ANXA5: variants seen among roughly 807,000 people sequenced by gnomAD.
ANXA5 encodes the protein annexin A5.
Under a neutral mutation model 48.1 loss-of-function variants are expected in ANXA5, and 40 were observed. The ratio of observed to expected loss-of-function variants is 0.83; its 90% CI spans 0.65 to 1.08. ANXA5 has a LOEUF of 1.08. Among genes scored for constraint, ANXA5 ranks in the 50% least tolerant of loss-of-function variants. The probability of loss-of-function intolerance (pLI) is 0.00; values close to 1 mark genes in which losing one functional copy is unlikely to be tolerated. For missense variants in ANXA5, 357 were observed against 376.8 expected (o/e 0.95, Z 0.44); for synonymous variants, 113 against 129.1 (o/e 0.88, Z 0.85).
At chr4:121,683,577 T>C (rs924802553) in intron 4 of ANXA5, 100 bp from the exon 5 acceptor site, 8 of 654,606 alleles carry the variant, frequency 1.2e-5, no homozygotes, top group Non-Finnish European at 2.1e-5. Context: ...ATTCTTTATG[T>C]TGCTGTCTCC....
At chr4:121,681,525 C>A in intron 6 of ANXA5, 146 bp downstream of exon 6, 2 of 553,512 alleles carry the variant, frequency 3.6e-6, no homozygotes, top group South Asian at 2.9e-5. Context: ...AGAAAAATAG[C>A]TTGAATTGCA....
intron 8 of ANXA5, among the ~76,000 whole-genome samples, chr4:121,674,158 G>T (rs1724657164): frequency 1.5e-5 from 2 of 137,596 alleles, no homozygotes; most frequent in Non-Finnish European, 3.1e-5. Context: ...TCCAGCCTGG[G>T]CACGAAGGAA....
At chr4:121,677,594 A>G (rs28453127) in intron 8 of ANXA5, among the ~76,000 whole-genome samples, 10,484 of 152,230 alleles carry the variant, frequency 0.069, 862 homozygotes, top group African/African-American at 0.19. Context: ...GGAAGTAATA[A>G]CACTGTTTTT....
At chr4:121,672,474 G>T in intron 9 of ANXA5, 59 bp downstream of exon 9, 1 of 1,186,092 alleles carries the variant, frequency 8.4e-7, no homozygotes, top group Non-Finnish European at 1.3e-6. Context: ...TGTCACACTG[G>T]CTCATGCACT....
At chr4:121,695,106 G>A (rs913754434) in intron 2 of ANXA5, among the ~76,000 whole-genome samples, 1 of 152,158 alleles carries the variant, frequency 6.6e-6, no homozygotes, top group Non-Finnish European at 1.5e-5. Flanking sequence ...ATTATTATTC[G>A]ATGCTTGTTA....
chr4:121,676,825 G>A (rs777582781), intron 8 of ANXA5, among the ~76,000 whole-genome samples: 5 of 152,100 alleles, frequency 3.3e-5, no homozygotes, highest in Non-Finnish European at 5.9e-5. Flanking sequence ...GGAGGCATAA[G>A]TAAACAACAC....
chr4:121,691,543 C>G (rs989708932), intron 2 of ANXA5, among the ~76,000 whole-genome samples: 1 of 152,098 alleles, frequency 6.6e-6, no homozygotes, highest in East Asian at 1.9e-4. Flanking sequence ...CCGCACCCTC[C>G]CCCCACCTCC....
rs747497278 is a variant in ANXA5 at position 121,683,437 on chromosome 4, A to C, written c.230T>G (p.Phe77Cys). The change falls in exon 5 of 13, where the codon TTT (phenylalanine) becomes TGT (cysteine). Residue 77 changes from phenylalanine (F) to cysteine (C), a missense_variant. Transcript: ENST00000296511. ...CATCAGAGCCACAATTAATTTTTCA[A>C]ATTTTCCAGTTAGTTCTGATTTCAG... ...DDLKSELTGK[F>C]EKLIVALMKP... The C allele has an allele frequency of 1.2e-6, 2 of 1,611,582 alleles. No individual in the cohort carries two copies. Among genetic ancestry groups the C allele is most frequent in the Admixed American group, 1.7e-5 (1 of 59,838 alleles).
At chr4:121,683,130 T>C (rs1724820086) in intron 5 of ANXA5, among the ~76,000 whole-genome samples, 2 of 152,032 alleles carry the variant, frequency 1.3e-5, no homozygotes, top group South Asian at 4.1e-4. Flanking sequence ...TATAAAAATA[T>C]GAAAATTTTA....
In ANXA5 at chr4:121,681,670, C is replaced by T. The variant is rs200988962; in HGVS notation, c.394+1G>A. 50 of 1,602,396 alleles carry T rather than the reference C, an allele frequency of 3.1e-5. No homozygotes were observed. The highest frequency in any genetic ancestry group is 3.9e-5 in the Non-Finnish European group (46 of 1,170,784). On this transcript the variant is annotated splice_donor_variant, in intron 6 of 12. Transcript: ENST00000296511. LOFTEE classifies it high-confidence loss of function. Reference sequence around the variant, plus strand: ...TCAAAATATAACTCACAAACATTTACCTTCTTCATAAACTTGTTTGATGGC... The same window carrying T: ...TCAAAATATAACTCACAAACATTTATCTTCTTCATAAACTTGTTTGATGGC...
chr4:121,668,042 AATC>A lies in ANXA5; in HGVS notation c.*423_*425del, dbSNP rs1249986418. 1.3e-5 allele frequency: 2 copies of A among 154,594 alleles called. No homozygotes were observed. Among genetic ancestry groups the A allele is most frequent in the African/African-American group, 4.8e-5 (2 of 41,514 alleles). 9.6% of individuals were successfully genotyped at this position (154,594 alleles called of 1,614,324 possible). A position where few individuals can be genotyped will look rare whatever the true frequency, so the allele number is the denominator to read the frequency against. On this transcript the variant is annotated 3_prime_UTR_variant, in exon 13 of 13. Coordinates refer to ENST00000296511, the MANE Select transcript of ANXA5 (RefSeq NM_001154.4). Reference sequence around the variant, plus strand: ...TATTTTTCATTAATCTTTTGAATACAATCATCATAATTTTACAGGTTTAGTTTA... The same window carrying A: ...TATTTTTCATTAATCTTTTGAATACAATCATAATTTTACAGGTTTAGTTTA...
chr4:121,693,547 G>A (rs916262199), intron 2 of ANXA5, among the ~76,000 whole-genome samples: 8 of 152,252 alleles, frequency 5.3e-5, no homozygotes, highest in Admixed American at 2.0e-4. Context: ...GAAGAAAGCC[G>A]GACTGCCTGC....
intron 9 of ANXA5, among the ~76,000 whole-genome samples, 186 bp from the exon 10 acceptor site, chr4:121,671,828 A>G (rs1173111681): frequency 1.3e-5 from 2 of 152,128 alleles, no homozygotes; most frequent in African/African-American, 4.8e-5. Flanking sequence ...TACTTTGTTC[A>G]CTGATTGCCA....
chr4:121,695,472 ACT>A lies in ANXA5; in HGVS notation c.9+1107_9+1108del, dbSNP rs201606417. On this transcript the variant is annotated intron_variant, in intron 2 of 12. Transcript: ENST00000296511. ...CACTTGTTTAAAAAAAACTATCTGG[ACT>A]CTGACAAGCCGGTTAGATTGACAAG... 1.0e-2 allele frequency among the ~76,000 whole-genome samples: 1,518 copies of A among 152,272 alleles called. 13 individuals are homozygous for A. Among genetic ancestry groups the A allele is most frequent in the Non-Finnish European group, 0.016 (1,111 of 68,028 alleles).
intron 2 of ANXA5, among the ~76,000 whole-genome samples, chr4:121,692,725 CT>C: frequency 6.6e-6 from 1 of 152,298 alleles, no homozygotes; most frequent in East Asian, 1.9e-4. Context: ...TCAATTTCCC[CT>C]TCTGTGAAAC....
At chr4:121,686,618 T>C (rs915696975) in intron 2 of ANXA5, among the ~76,000 whole-genome samples, 28 of 152,224 alleles carry the variant, frequency 1.8e-4, no homozygotes, top group Admixed American at 1.7e-3. Flanking sequence ...GGCTCCCTCT[T>C]CTCTGTGACG....
intron 6 of ANXA5, among the ~76,000 whole-genome samples, chr4:121,679,138 A>G (rs1724748965): frequency 6.6e-6 from 1 of 152,208 alleles, no homozygotes; most frequent in South Asian, 2.1e-4. Flanking sequence ...AGGTATTTAA[A>G]TATTTAATTA....
intron 2 of ANXA5, among the ~76,000 whole-genome samples, chr4:121,688,501 T>C (rs1724929757): frequency 6.6e-6 from 1 of 152,146 alleles, no homozygotes; most frequent in Non-Finnish European, 1.5e-5. Flanking sequence ...CTAATCTCTC[T>C]CCCCTGTGAT....
Position 121,696,581 on chromosome 4 carries a change from CTG to C in ANXA5, c.7_8del (p.Gln3GlyfsTer8). MA[Q>X]VLRGTVTDFP... Reference sequence around the variant, plus strand: ...CGCAGTGGGGGGCGCACGGCCTTACCTGTGCCATGGCGACTACTCAGGTCAGG... The same window carrying C: ...CGCAGTGGGGGGCGCACGGCCTTACCTGCCATGGCGACTACTCAGGTCAGG... On this transcript the variant is annotated frameshift_variant and splice_region_variant, in exon 2 of 13. Transcript: ENST00000296511. LOFTEE classifies it high-confidence loss of function. 1 of 1,429,008 alleles carries C rather than the reference CTG, an allele frequency of 7.0e-7. No homozygotes were observed. Among genetic ancestry groups the C allele is most frequent in the South Asian group, 1.7e-5 (1 of 60,160 alleles). 88.5% of individuals were successfully genotyped at this position (1,429,008 alleles called of 1,614,324 possible).
Sources: allele counts gnomAD v4.1 joint callset (sites outside exome capture counted in the v4.1 genomes callset), GRCh38; gene constraint gnomAD v4.1.1; transcripts MANE v1.5; gene names NCBI Gene and HGNC (gene_info 2026-07-23, HGNC 2026-07-21).